HDAC4: variants seen among roughly 807,000 people sequenced by gnomAD.
HDAC4 encodes histone deacetylase A.
In HDAC4, 16 loss-of-function variants were observed where a neutral mutation model predicts 135.1. The ratio of observed to expected loss-of-function variants is 0.12; its 90% CI spans 0.08 to 0.18. The LOEUF is 0.18. Among genes scored for constraint, HDAC4 ranks in the 10% least tolerant of loss-of-function variants. HDAC4 has a pLI of 1.00. For synonymous variants in HDAC4, 685 were observed against 653.4 expected (o/e 1.05, Z -0.74); for missense variants, 1,143 against 1,511.8 (o/e 0.76, Z 4.05).
intron 3 of HDAC4, among the ~76,000 whole-genome samples, chr2:239,203,993 G>A (rs1227465888): frequency 6.6e-6 from 1 of 152,162 alleles, no homozygotes; most frequent in Non-Finnish European, 1.5e-5. Flanking sequence ...TTAGGAGTCC[G>A]GGTCCAATGC....
At chr2:239,133,982 G>C (rs11685857) in intron 11 of HDAC4, among the ~76,000 whole-genome samples, 5 of 152,038 alleles carry the variant, frequency 3.3e-5, no homozygotes, top group Non-Finnish European at 5.9e-5. Context: ...AACCCAAATC[G>C]CAAGAGCCGG....
chr2:239,354,474 T>C (rs1400717982), intron 1 of HDAC4, among the ~76,000 whole-genome samples: 1 of 151,950 alleles, frequency 6.6e-6, no homozygotes, highest in African/African-American at 2.4e-5. Context: ...CCCTGGCTGA[T>C]CCCAGCTCAA....
chr2:239,118,580 G>C (rs2039352501), intron 12 of HDAC4, among the ~76,000 whole-genome samples: 1 of 152,184 alleles, frequency 6.6e-6, no homozygotes, highest in Admixed American at 6.5e-5. Flanking sequence ...ACAGTTTGGT[G>C]GCCCCGATAT....
At chr2:239,055,825 G>T (rs1246778720) in intron 24 of HDAC4, among the ~76,000 whole-genome samples, 1 of 152,182 alleles carries the variant, frequency 6.6e-6, no homozygotes, top group East Asian at 1.9e-4. Flanking sequence ...AAACCTGCTG[G>T]GTCTGGAACA....
Position 239,336,334 on chromosome 2 carries a change from C to T in HDAC4, c.22+16344G>A, listed in dbSNP as rs570642483. ...TTTTGGGAGAGTTCATCAAGCTAAGCAGTCATGATTCTTGCACTTTCCTGG... is the reference window on the plus strand; with the variant it reads ...TTTTGGGAGAGTTCATCAAGCTAAGTAGTCATGATTCTTGCACTTTCCTGG... On this transcript the variant is annotated intron_variant, in intron 2 of 26. Coordinates refer to ENST00000543185, the MANE Select transcript of HDAC4 (RefSeq NM_001378414.1). Among the ~76,000 whole-genome samples the T allele has an allele frequency of 5.9e-5, 9 of 152,294 alleles. No individual in the cohort carries two copies. The South Asian group carries it at 1.9e-3, about 32-fold the overall frequency.
At chr2:239,390,822 G>A (rs962992756) in intron 1 of HDAC4, among the ~76,000 whole-genome samples, 4 of 152,194 alleles carry the variant, frequency 2.6e-5, no homozygotes, top group Non-Finnish European at 4.4e-5. Context: ...AGCCACACCC[G>A]GTAGCCCTCT....
At chr2:239,243,278 G>A (rs969405798) in intron 2 of HDAC4, among the ~76,000 whole-genome samples, 23 of 151,454 alleles carry the variant, frequency 1.5e-4, no homozygotes, top group Non-Finnish European at 2.5e-4. Flanking sequence ...TCAGCCTCCC[G>A]AATAGGTGAG....
chr2:239,065,031 C>T (rs1574878904), intron 24 of HDAC4, among the ~76,000 whole-genome samples: 1 of 152,238 alleles, frequency 6.6e-6, no homozygotes, highest in African/African-American at 2.4e-5. Context: ...GACGTTTCCC[C>T]ACCGCTCGTG....
chr2:239,173,966 G>GA lies in HDAC4; in HGVS notation c.490+2446dup, dbSNP rs1388646865. ...CATAAAACTATTAAGAAATTATTAA[G>GA]AAAAATTAAAGAAGGTAAATAATCA... On this transcript the variant is annotated intron_variant, in intron 5 of 26. Coordinates refer to ENST00000543185, the MANE Select transcript of HDAC4 (RefSeq NM_001378414.1). Among the ~76,000 whole-genome samples, 4 of 152,022 alleles carry GA rather than the reference G, an allele frequency of 2.6e-5. 1 individual carries two copies. Among genetic ancestry groups the GA allele is most frequent in the Non-Finnish European group, 5.9e-5 (4 of 67,976 alleles).
At chr2:239,180,517 A>ATTTGAATCACATTGT (rs1197174410) in intron 4 of HDAC4, among the ~76,000 whole-genome samples, 3 of 152,160 alleles carry the variant, frequency 2.0e-5, no homozygotes, top group Admixed American at 2.0e-4. Flanking sequence ...CCTGTGTGAA[A>ATTTGAATCACATTGT]TTTGAATCAC....
intron 2 of HDAC4, among the ~76,000 whole-genome samples, chr2:239,334,691 C>T (rs1303361927): frequency 6.6e-6 from 1 of 152,092 alleles, no homozygotes; most frequent in Non-Finnish European, 1.5e-5. Context: ...ATTGAGACCA[C>T]AGCAGGTATT....
rs1022748043 is a variant in HDAC4 at position 239,303,684 on chromosome 2, A to G, written c.22+48994T>C. On this transcript the variant is annotated intron_variant, in intron 2 of 26. Coordinates refer to ENST00000543185, the MANE Select transcript of HDAC4 (RefSeq NM_001378414.1). The surrounding 1 kb of genome is among the most constrained non-coding windows in gnomAD (Gnocchi z 5.1). ...ATTCAAGTCAGCCCTGATGCTGTCCATGTTTTTTGTAAAACTTGCTCACTT... is the reference window on the plus strand; with the variant it reads ...ATTCAAGTCAGCCCTGATGCTGTCCGTGTTTTTTGTAAAACTTGCTCACTT... Among the ~76,000 whole-genome samples the G allele has an allele frequency of 1.3e-5, 2 of 151,772 alleles. No homozygotes were observed. Among genetic ancestry groups the G allele is most frequent in the Admixed American group, 1.3e-4 (2 of 15,240 alleles).
In HDAC4 at chr2:239,087,671, C is replaced by T. The variant is rs112513172; in HGVS notation, c.2389-57G>A. 4.9e-4 allele frequency: 751 copies of T among 1,539,492 alleles called. 3 individuals carry two copies. In the African/African-American group the frequency reaches 6.5e-3, roughly 13 times the overall value. On this transcript the variant is annotated intron_variant, in intron 18 of 26. Coordinates refer to ENST00000543185, the MANE Select transcript of HDAC4 (RefSeq NM_001378414.1). ...CAACAAAAGACACACTTTGTAGCCA[C>T]GGGAAAATGGTTGCACACTCAACTT...
chr2:239,168,795 CTG>C (rs1358824526), intron 5 of HDAC4, among the ~76,000 whole-genome samples: 2 of 152,214 alleles, frequency 1.3e-5, no homozygotes, highest in East Asian at 3.9e-4. Flanking sequence ...AGACCACACT[CTG>C]AGGGCTGCAG....
chr2:239,196,562 C>A (rs1437025377), intron 3 of HDAC4, among the ~76,000 whole-genome samples: 3 of 152,182 alleles, frequency 2.0e-5, no homozygotes, highest in African/African-American at 7.2e-5. Flanking sequence ...GTCTCGAGTC[C>A]GAGTCTGCCG....
chr2:239,190,184 GTT>G, intron 3 of HDAC4, 107 bp from the exon 4 acceptor site: 1 of 1,245,012 alleles, frequency 8.0e-7, no homozygotes. Context: ...CGGGGGGGGG[GTT>G]GTGACCATTT....
intron 8 of HDAC4, among the ~76,000 whole-genome samples, chr2:239,142,332 G>A (rs1021839135): frequency 2.6e-5 from 4 of 152,178 alleles, no homozygotes; most frequent in East Asian, 1.9e-4. Context: ...CCACTCCTCC[G>A]TGTGGGACCA....
intron 24 of HDAC4, among the ~76,000 whole-genome samples, chr2:239,059,502 A>G (rs1032643969): frequency 6.6e-6 from 1 of 152,200 alleles, no homozygotes; most frequent in African/African-American, 2.4e-5. Flanking sequence ...GAGACGTGAA[A>G]GGCAGGAAAC....
intron 12 of HDAC4, among the ~76,000 whole-genome samples, chr2:239,125,441 C>T (rs1385095930): frequency 6.6e-6 from 1 of 152,188 alleles, no homozygotes; most frequent in African/African-American, 2.4e-5. Context: ...GCCTGCAGAA[C>T]CAGAAGCCAA....
Sources: gnomAD v4.1 joint callset for allele counts (sites outside exome capture counted in the v4.1 genomes callset) on GRCh38, gnomAD v4.1.1 for gene constraint, Gnocchi (gnomAD v3.1) non-coding constraint, MANE v1.5 for transcripts, NCBI Gene and HGNC (gene_info 2026-07-23, HGNC 2026-07-21) for gene names.